Variants in PPM1L observed in about 807,000 individuals in gnomAD.
PPM1L encodes the protein protein phosphatase 1L.
In PPM1L, 13 loss-of-function variants were observed where a neutral mutation model predicts 31.4. The ratio of observed to expected loss-of-function variants is 0.41; its 90% confidence interval spans 0.27 to 0.66. The LOEUF is 0.66. Ranked by LOEUF, PPM1L falls within the 30% of genes least tolerant of loss-of-function variation. The pLI, the probability that PPM1L is intolerant of heterozygous loss-of-function variation, is 0.29. For synonymous variants in PPM1L, 184 were observed against 175.4 expected (o/e 1.05, Z -0.39); for missense variants, 326 against 453.7 (o/e 0.72, Z 2.56).
At chr3:160,835,587 C>T (rs1713691706) in intron 1 of PPM1L, among the ~76,000 whole-genome samples, 1 of 152,044 alleles carries the variant, frequency 6.6e-6, no homozygotes, top group Admixed American at 6.5e-5. Flanking sequence ...TATTTCTCCT[C>T]ATCTGCTGTA....
intron 1 of PPM1L, among the ~76,000 whole-genome samples, chr3:160,927,135 T>C (rs912498897): frequency 1.3e-5 from 2 of 152,188 alleles, no homozygotes; most frequent in African/African-American, 2.4e-5. Flanking sequence ...CAGACATATG[T>C]ACAAGGAACA....
rs554187672 is a variant in PPM1L, at chr3:161,019,842, G to C, written c.575-45561G>C. ...AACGAAGCTAACTATAAAATGTTGT[G>C]CTGCTGGGCATGGTGGCTCATGCCT... On this transcript the variant is annotated intron_variant, in intron 2 of 3. Coordinates refer to ENST00000498165, the MANE Select transcript of PPM1L (RefSeq NM_139245.4). 2.0e-5 allele frequency among the ~76,000 whole-genome samples: 3 copies of C among 152,160 alleles called. No individual in the cohort carries two copies. The South Asian group carries it at 6.2e-4, about 32-fold the overall frequency.
chr3:160,779,610 C>A (rs1488369955), intron 1 of PPM1L, among the ~76,000 whole-genome samples: 1 of 152,044 alleles, frequency 6.6e-6, no homozygotes, highest in East Asian at 1.9e-4. Flanking sequence ...GCAACCTCTG[C>A]CTCCTGGGTT....
chr3:161,069,075 A>G lies in PPM1L; in HGVS notation c.1001A>G (p.Gln334Arg). 1.2e-6 allele frequency: 2 copies of G among 1,614,204 alleles called. No individual in the cohort carries two copies. The highest frequency in any genetic ancestry group is 1.7e-6 in the Non-Finnish European group (2 of 1,180,024). Residue 334 changes from glutamine to arginine, a missense_variant, in exon 4 of 4, where the codon CAG (glutamine) becomes CGG (arginine). By Grantham distance (43) the Gln-to-Arg change is conservative. Transcript: ENST00000498165. Reference sequence around the variant, plus strand: ...TTTGGGGCCAAGAGCATAGTTTTACAGTCATTTTACAGAGGCTGCCCTGAC... The same window carrying G: ...TTTGGGGCCAAGAGCATAGTTTTACGGTCATTTTACAGAGGCTGCCCTGAC... ...PHFGAKSIVL[Q>R]SFYRGCPDNI...
intron 2 of PPM1L, among the ~76,000 whole-genome samples, chr3:161,007,279 A>T (rs1717746432): frequency 6.6e-6 from 1 of 152,262 alleles, no homozygotes; most frequent in Non-Finnish European, 1.5e-5. Flanking sequence ...ACTATTGTGC[A>T]CAGTGCAATC....
At chr3:160,843,966 C>T (rs1469099177) in intron 1 of PPM1L, among the ~76,000 whole-genome samples, 1 of 152,084 alleles carries the variant, frequency 6.6e-6, no homozygotes, top group Non-Finnish European at 1.5e-5. Flanking sequence ...AAGTATTTGG[C>T]AATTCTTAAG....
intron 2 of PPM1L, among the ~76,000 whole-genome samples, chr3:161,042,680 T>G (rs1718944455): frequency 6.6e-6 from 1 of 152,222 alleles, no homozygotes; most frequent in African/African-American, 2.4e-5. Context: ...GGTGGAGCCC[T>G]AAGCAAAATT....
chr3:161,007,671 A>C (rs1190193937), intron 2 of PPM1L, among the ~76,000 whole-genome samples: 1 of 152,078 alleles, frequency 6.6e-6, no homozygotes, highest in Non-Finnish European at 1.5e-5. Flanking sequence ...TTTTTAGCTC[A>C]TCAGCTTTCG....
At chr3:160,875,052 T>C (rs1285619569) in intron 1 of PPM1L, among the ~76,000 whole-genome samples, 1 of 152,192 alleles carries the variant, frequency 6.6e-6, no homozygotes, top group Non-Finnish European at 1.5e-5. Context: ...AAAATGAACA[T>C]TGTTATTATT....
chr3:161,058,480 T>C (rs1285321544), intron 2 of PPM1L, among the ~76,000 whole-genome samples: 1 of 151,958 alleles, frequency 6.6e-6, no homozygotes, highest in African/African-American at 2.4e-5. Flanking sequence ...TTTTTAGTCA[T>C]TTAGTCATTC....
chr3:160,775,824 A>G (rs1711546638), intron 1 of PPM1L, among the ~76,000 whole-genome samples: 1 of 152,380 alleles, frequency 6.6e-6, no homozygotes, highest in African/African-American at 2.4e-5. Context: ...CCAAACGATC[A>G]TGCAAAATAA....
intron 1 of PPM1L, among the ~76,000 whole-genome samples, chr3:160,898,639 G>T (rs1713428098): frequency 6.6e-6 from 1 of 152,218 alleles, no homozygotes; most frequent in African/African-American, 2.4e-5. Context: ...CTTGCCGTCA[G>T]TTCTGGCCCT....
chr3:161,053,079 C>T (rs1282436282), intron 2 of PPM1L, among the ~76,000 whole-genome samples: 1 of 152,110 alleles, frequency 6.6e-6, no homozygotes, highest in Non-Finnish European at 1.5e-5. Context: ...TCAAATAACA[C>T]GAAGACGTGA....
At chr3:161,066,641 A>C (rs1290216161) in intron 3 of PPM1L, among the ~76,000 whole-genome samples, 1 of 152,216 alleles carries the variant, frequency 6.6e-6, no homozygotes, top group African/African-American at 2.4e-5. Context: ...TCAGACTGAG[A>C]GCTGCAGGAT....
intron 2 of PPM1L, among the ~76,000 whole-genome samples, chr3:160,977,717 G>A (rs1208161091): frequency 6.6e-6 from 1 of 152,048 alleles, no homozygotes; most frequent in Admixed American, 6.6e-5. Flanking sequence ...AAATAAGGAC[G>A]AAAGCAAATG....
chr3:160,812,161 T>C (rs939640852), intron 1 of PPM1L, among the ~76,000 whole-genome samples: 4 of 152,206 alleles, frequency 2.6e-5, no homozygotes, highest in East Asian at 3.8e-4. Context: ...TGGATACTTA[T>C]CCAAGTGTAT....
At chr3:161,018,491 T>G (rs754904238) in intron 2 of PPM1L, among the ~76,000 whole-genome samples, 18 of 152,196 alleles carry the variant, frequency 1.2e-4, no homozygotes, top group Non-Finnish European at 4.4e-5. Context: ...AAATTTGTGT[T>G]TAAGATACTA....
intron 1 of PPM1L, among the ~76,000 whole-genome samples, chr3:160,876,091 C>A (rs370048988): frequency 1.3e-5 from 2 of 152,148 alleles, no homozygotes; most frequent in African/African-American, 4.8e-5. Flanking sequence ...CTTGGTGGAA[C>A]CTTCTTTCAT....
At chr3:161,029,052 A>C (rs540008370) in intron 2 of PPM1L, among the ~76,000 whole-genome samples, 91 of 152,318 alleles carry the variant, frequency 6.0e-4, no homozygotes, top group African/African-American at 2.1e-3. Context: ...CCTCAGTTCT[A>C]GTGTCAGAGC....
Sources: allele counts gnomAD v4.1 joint callset (sites outside exome capture counted in the v4.1 genomes callset), GRCh38; gene constraint gnomAD v4.1.1; transcripts MANE v1.5; gene names NCBI Gene and HGNC (gene_info 2026-07-23, HGNC 2026-07-21).